The following PPP2R1B variants were observed in gnomAD, a reference collection of about 807,000 sequenced individuals.
PPP2R1B encodes serine/threonine-protein phosphatase 2A 65 kDa regulatory subunit A beta isoform.
Under a neutral mutation model 72.7 loss-of-function variants are expected in PPP2R1B, and 58 were observed. The ratio of observed to expected loss-of-function variants is 0.80; its 90% CI spans 0.65 to 0.99. PPP2R1B has a LOEUF of 0.99. Ranked by LOEUF, PPP2R1B falls within the 50% of genes least tolerant of loss-of-function variation. The pLI, the probability that PPP2R1B is intolerant of heterozygous loss-of-function variation, is 0.00. For synonymous variants in PPP2R1B, 256 were observed against 264.6 expected, an observed-to-expected ratio of 0.97 and a Z score of 0.32; for missense variants, 695 against 733.6, an observed-to-expected ratio of 0.95 and a Z score of 0.61.
downstream of PPP2R1B, chr11:111,737,799 T>C (rs1372293670): frequency 4.6e-6 from 6 of 1,311,894 alleles, no homozygotes; most frequent in Non-Finnish European, 6.0e-6. Flanking sequence ...TCGGGCCTTT[T>C]GGTGTCCACC....
chr11:111,747,193 ATC>A (rs1351236995), intron 11 of PPP2R1B, among the ~76,000 whole-genome samples: 1 of 152,222 alleles, frequency 6.6e-6, no homozygotes, highest in African/African-American at 2.4e-5. Context: ...ACTCACACTC[ATC>A]GAAACAGGTC....
At position 111,743,513 on chromosome 11, in the gene PPP2R1B, C is replaced by A. The variant is rs1452990805; in HGVS notation, c.1417G>T (p.Ala473Ser). 1.2e-6 allele frequency: 2 copies of A among 1,613,628 alleles called. No individual in the cohort carries two copies. The highest frequency in any genetic ancestry group is 4.5e-5 in the East Asian group (2 of 44,882). Residue 473 changes from alanine (A) to serine (S), a missense_variant, in exon 12 of 15, where the codon GCT becomes TCT. By Grantham distance (99) the Ala-to-Ser change is moderately conservative. Transcript: ENST00000527614. Reference protein sequence around the residue: ...LVDHVYAIREAATNNLMKLVQ... With the variant: ...LVDHVYAIRESATNNLMKLVQ... ...AGTTTCATGAGGTTGTTGGTGGCAGCTTCTCGGATGGCGTATACTGCAGAA... is the reference window on the plus strand; with the variant it reads ...AGTTTCATGAGGTTGTTGGTGGCAGATTCTCGGATGGCGTATACTGCAGAA...
downstream of PPP2R1B, among the ~76,000 whole-genome samples, chr11:111,733,003 C>G (rs941584857): frequency 6.6e-6 from 1 of 152,202 alleles, no homozygotes; most frequent in African/African-American, 2.4e-5. Flanking sequence ...CCTTAGGAGG[C>G]AGATGTGGGT....
intron 6 of PPP2R1B, 22 bp from the exon 7 acceptor site, chr11:111,755,116 T>C: frequency 1.3e-6 from 2 of 1,580,054 alleles, no homozygotes; most frequent in Middle Eastern, 1.7e-4. Context: ...TTTGAACGGG[T>C]TTTAATGTAT....
intron 11 of PPP2R1B, among the ~76,000 whole-genome samples, chr11:111,746,780 AT>A (rs1944719837): frequency 6.6e-6 from 1 of 152,232 alleles, no homozygotes; most frequent in Non-Finnish European, 1.5e-5. Context: ...TTTTAATTTT[AT>A]TTAAAAAGAA....
chr11:111,730,969 T>A (rs1944171996), intron 15 of PPP2R1B: 1 of 152,234 alleles, frequency 6.6e-6, no homozygotes, highest in Admixed American at 6.5e-5. Context: ...TGGTGCTCAT[T>A]TCAGGCTGCA....
At chr11:111,726,119 G>A (rs942884372), downstream of PPP2R1B, 7 of 152,136 alleles carry the variant, frequency 4.6e-5, no homozygotes, top group African/African-American at 1.7e-4. Context: ...ATAAAATGGG[G>A]CTTGATTTGT....
rs1001581409 is a variant in PPP2R1B at position 111,760,882 on chromosome 11, G to A, written c.476C>T (p.Ala159Val). The A allele has an allele frequency of 1.9e-6, 3 of 1,614,194 alleles. No individual in the cohort carries two copies. The highest frequency in any genetic ancestry group is 2.5e-6 in the Non-Finnish European group (3 of 1,180,040). The change falls in exon 4 of 15, where the codon GCA (alanine) becomes GTA (valine). Residue 159 changes from alanine (A) to valine (V), a missense_variant. Ala to Val is a moderately conservative substitution (Grantham distance 64). Transcript: ENST00000527614. ...SGDWFTSRTS[A>V]CGLFSVCYPR... ...ATAGCAAACGCTGAACAAACCACATGCAGATGTGCGAGAGGTGAACCAATC... is the reference window on the plus strand; with the variant it reads ...ATAGCAAACGCTGAACAAACCACATACAGATGTGCGAGAGGTGAACCAATC...
At chr11:111,729,683 T>C (rs979279881) in intron 15 of PPP2R1B, 6 of 152,230 alleles carry the variant, frequency 3.9e-5, no homozygotes, top group African/African-American at 1.4e-4. Context: ...AAAGCCCCCA[T>C]TTTGGTCAAG....
In PPP2R1B at chr11:111,738,280, T is replaced by G; in HGVS notation, c.*3316A>C. On this transcript the variant is annotated 3_prime_UTR_variant, in exon 15 of 15. Transcript: ENST00000527614. ...AAAATAAGAAGCTTTACGATAAGAG[T>G]GTCACCATTTTTAAAAGTCAGAGGA... is the stretch of plus-strand genomic sequence containing the variant. The G allele has an allele frequency of 1.0e-6, 1 of 985,272 alleles. No individual in the cohort carries two copies. Among genetic ancestry groups the G allele is most frequent in the South Asian group, 4.7e-5 (1 of 21,276 alleles). 61.0% of individuals were successfully genotyped at this position (985,272 alleles called of 1,614,324 possible).
In PPP2R1B at chr11:111,766,342, A is replaced by C; in HGVS notation, c.20T>G (p.Leu7Arg). The C allele has an allele frequency of 1.3e-6, 2 of 1,490,422 alleles. No homozygotes were observed. Among genetic ancestry groups the C allele is most frequent in the Non-Finnish European group, 1.8e-6 (2 of 1,121,404 alleles). The allele number at this position is 1,490,422 out of a possible 1,614,324, so 92.3% of individuals were successfully genotyped here. Residue 7 changes from leucine to arginine, a missense_variant, in exon 1 of 15, where the codon CTC (leucine) becomes CGC (arginine). Leu to Arg is a moderately radical substitution (Grantham distance 102). Transcript: ENST00000527614. The stretch of plus-strand genomic sequence containing the variant: ...ACCCGCTGCTCCTGGGCCGGTCCCG[A>C]GCTCTGATGCGCCCGCCATGTTCTT... MAGASE[L>R]GTGPGAAGGD...
chr11:111,755,264 T>C (rs1555049245), intron 6 of PPP2R1B, 31 bp downstream of exon 6: 1 of 1,576,048 alleles, frequency 6.3e-7, no homozygotes, highest in Non-Finnish European at 8.6e-7. Flanking sequence ...TTCAGGTTTA[T>C]TTCCTTAGTA....
chr11:111,712,071 CT>C, the PPP2R1B span: 1 of 892,682 alleles, frequency 1.1e-6, no homozygotes, highest in Non-Finnish European at 1.7e-6. Flanking sequence ...ATATATTTCA[CT>C]AAATCTTTCT....
At chr11:111,724,410 A>C, downstream of PPP2R1B, 6 of 444,960 alleles carry the variant, frequency 1.3e-5, no homozygotes, top group Non-Finnish European at 2.0e-5. Flanking sequence ...GCACTGACAA[A>C]TGTGTTCCTA....
At chr11:111,712,474 T>G in the PPP2R1B span, 8 of 1,289,194 alleles carry the variant, frequency 6.2e-6, no homozygotes, top group Non-Finnish European at 8.4e-6. Context: ...CTTTATCATT[T>G]CGTTAAGTCA....
At chr11:111,719,551 C>T in the PPP2R1B span, among the ~76,000 whole-genome samples, 1 of 152,182 alleles carries the variant, frequency 6.6e-6, no homozygotes, top group Non-Finnish European at 1.5e-5. Context: ...ACCTGGGCAG[C>T]AGTGCCAGTT....
chr11:111,728,992 T>TA (rs1314574026), intron 15 of PPP2R1B: 1 of 152,202 alleles, frequency 6.6e-6, no homozygotes, highest in Non-Finnish European at 1.5e-5. Context: ...GAGATTTTCT[T>TA]AAAGTTTCTA....
chr11:111,694,169 A>G, the PPP2R1B span, among the ~76,000 whole-genome samples: 2 of 152,222 alleles, frequency 1.3e-5, no homozygotes, highest in African/African-American at 2.4e-5. Flanking sequence ...TTCAATGTAT[A>G]ATTGATTCCC....
the PPP2R1B span, among the ~76,000 whole-genome samples, chr11:111,706,402 T>C: frequency 3.3e-5 from 5 of 152,016 alleles, no homozygotes; most frequent in Non-Finnish European, 5.9e-5. Context: ...GGCTAGAAAT[T>C]TGGGAATCAT....
Sources: gnomAD v4.1 joint callset for allele counts (sites outside exome capture counted in the v4.1 genomes callset) on GRCh38, gnomAD v4.1.1 for gene constraint, MANE v1.5 for transcripts, NCBI Gene and HGNC (gene_info 2026-07-23, HGNC 2026-07-21) for gene names.